The following ANK3 variants were observed in gnomAD, a reference collection of about 807,000 sequenced individuals.
ANK3 encodes the protein ankyrin 3.
ANK3 carries 57 observed loss-of-function variants against 370.9 expected under a neutral mutation model. The ratio of observed to expected loss-of-function variants is 0.15; its 90% CI spans 0.12 to 0.19. The LOEUF (loss-of-function observed/expected upper bound fraction) is 0.19, where lower values mean the gene tolerates loss of function less well. Ranked by LOEUF, ANK3 falls within the 10% of genes least tolerant of loss-of-function variation. The pLI, the probability that ANK3 is intolerant of heterozygous loss-of-function variation, is 1.00. For missense variants in ANK3, 4,439 were observed against 5,302.1 expected (o/e 0.84, Z 5.06); for synonymous variants, 1,929 against 1,946.3 (o/e 0.99, Z 0.23).
At chr10:60,259,467 A>C (rs2097775767) in intron 7 of ANK3, among the ~76,000 whole-genome samples, 3 of 152,238 alleles carry the variant, frequency 2.0e-5, no homozygotes. Context: ...TTTAAACAAA[A>C]GCACAGTGTA....
intron 2 of ANK3, among the ~76,000 whole-genome samples, chr10:60,498,086 TA>T (rs948175857): frequency 6.6e-6 from 1 of 152,200 alleles, no homozygotes; most frequent in Admixed American, 6.5e-5. Flanking sequence ...AGGTTTTTTC[TA>T]AAAGCCTTCC....
At chr10:60,497,290 A>G (rs2075683643) in intron 2 of ANK3, among the ~76,000 whole-genome samples, 1 of 152,190 alleles carries the variant, frequency 6.6e-6, no homozygotes, top group Admixed American at 6.5e-5. Context: ...CCTGTCTTTA[A>G]AAAAAGAAAA....
intron 1 of ANK3, among the ~76,000 whole-genome samples, chr10:60,321,774 C>G (rs1341218141): frequency 6.6e-6 from 1 of 152,192 alleles, no homozygotes; most frequent in African/African-American, 2.4e-5. Context: ...ACTGTGGAGC[C>G]CTGCCTCCCC....
chr10:60,654,597 G>A (rs1267990677), intron 1 of ANK3, among the ~76,000 whole-genome samples: 2 of 151,956 alleles, frequency 1.3e-5, no homozygotes, highest in Admixed American at 6.5e-5. Flanking sequence ...AAATTACATC[G>A]ATTTCTGAAT....
rs765321890 is a variant in ANK3, at chr10:60,074,586, C to T, written c.6295G>A (p.Ala2099Thr). 3.7e-6 allele frequency: 6 copies of T among 1,614,084 alleles called. No individual in the cohort carries two copies. The highest frequency in any genetic ancestry group is 1.7e-4 in the Middle Eastern group (1 of 6,060). The change falls in exon 37 of 44, where the codon GCT becomes ACT. Residue 2099 changes from alanine (A) to threonine (T), a missense_variant. Physicochemically the swap from Ala to Thr is moderately conservative, Grantham distance 58. Around this residue, in one of 13 missense-constraint regions of ANK3, gnomAD observed 679 missense variants for 791.0 expected, o/e 0.86. Coordinates refer to ENST00000280772, the MANE Select transcript of ANK3 (RefSeq NM_020987.5). ...STSEKELCKM[A>T]DSFFGTDTIL... Reference sequence around the variant, plus strand: ...GTATCTGTTCCAAAAAAGGAATCAGCCATTTTACACAATTCTTTCTCAGAG... The same window carrying T: ...GTATCTGTTCCAAAAAAGGAATCAGTCATTTTACACAATTCTTTCTCAGAG...
At chr10:60,393,737 G>A (rs917886552), upstream of ANK3, among the ~76,000 whole-genome samples, 4 of 152,072 alleles carry the variant, frequency 2.6e-5, no homozygotes, top group Admixed American at 2.6e-4. Context: ...GTCATTTCAT[G>A]TTGTGTGTCT....
chr10:60,621,542 C>G (rs1440590261), intron 1 of ANK3, among the ~76,000 whole-genome samples: 5 of 152,082 alleles, frequency 3.3e-5, no homozygotes, highest in Non-Finnish European at 7.4e-5. Flanking sequence ...CTCCTGGGGT[C>G]GTGTAATTCA....
chr10:60,148,550 C>T (rs887099079), intron 23 of ANK3, among the ~76,000 whole-genome samples: 2 of 152,280 alleles, frequency 1.3e-5, no homozygotes, highest in East Asian at 3.9e-4. Context: ...GGGACAGACT[C>T]TAAAATTCCT....
At chr10:60,361,353 A>G (rs1236545780) in intron 1 of ANK3, among the ~76,000 whole-genome samples, 5 of 152,210 alleles carry the variant, frequency 3.3e-5, no homozygotes, top group African/African-American at 1.2e-4. Flanking sequence ...TTTGTGGTTA[A>G]CAGTAATAGT....
At chr10:60,482,746 C>T (rs1205524592) in intron 2 of ANK3, among the ~76,000 whole-genome samples, 1 of 152,144 alleles carries the variant, frequency 6.6e-6, no homozygotes, top group Admixed American at 6.5e-5. Context: ...CTTGGCCTCC[C>T]AAAGTGCTGG....
At chr10:60,543,544 A>G (rs1204687305) in intron 2 of ANK3, among the ~76,000 whole-genome samples, 4 of 152,060 alleles carry the variant, frequency 2.6e-5, no homozygotes, top group Admixed American at 6.6e-5. Flanking sequence ...AGATAGGCAC[A>G]CATACACGCA....
At chr10:60,432,083 T>C (rs1274689966) in intron 2 of ANK3, among the ~76,000 whole-genome samples, 1 of 152,196 alleles carries the variant, frequency 6.6e-6, no homozygotes, top group Admixed American at 6.5e-5. Context: ...CCATCCCTGT[T>C]TATAAATAAG....
Position 60,693,031 on chromosome 10 carries a change from G to A in ANK3, c.57+40232C>T, listed in dbSNP as rs79438682. 7.7e-3 allele frequency among the ~76,000 whole-genome samples: 1,174 copies of A among 152,318 alleles called. 13 individuals are homozygous for A. Among genetic ancestry groups the A allele is most frequent in the African/African-American group, 0.027 (1,116 of 41,570 alleles). On this transcript the variant is annotated intron_variant, in intron 1 of 43. Coordinates refer to the ANK3 transcript ENST00000373827. ...AGGGAGTGCCAGACAGTGGGCGCAG[G>A]TCAGTGGGTGCAGTGCACCATGCAC... is the stretch of plus-strand genomic sequence containing the variant.
rs113882773 is a variant in ANK3, at chr10:60,528,516, G to C, written c.96+86670C>G. Among the ~76,000 whole-genome samples, 92 of 152,218 alleles carry C rather than the reference G, an allele frequency of 6.0e-4. 1 individual carries two copies. Among genetic ancestry groups the C allele is most frequent in the African/African-American group, 2.0e-3 (83 of 41,544 alleles). On this transcript the variant is annotated intron_variant, in intron 2 of 43. Transcript: ENST00000373827. ...ATCCATAATTACATTAGGTTGAACT[G>C]TATGAAACTGCCATTTTTACAAACC...
chr10:60,453,176 T>C (rs186249209), intron 2 of ANK3, among the ~76,000 whole-genome samples: 4 of 152,320 alleles, frequency 2.6e-5, no homozygotes, highest in Non-Finnish European at 5.9e-5. Context: ...GGCAAGTTGC[T>C]TAACCTCTCA....
intron 23 of ANK3, among the ~76,000 whole-genome samples, chr10:60,143,806 C>T (rs190986101): frequency 3.9e-5 from 6 of 152,248 alleles, no homozygotes; most frequent in East Asian, 3.9e-4. Context: ...TTCAAAGAAA[C>T]CTTGCAGACT....
chr10:60,645,247 C>T (rs1268549014), intron 1 of ANK3, among the ~76,000 whole-genome samples: 2 of 152,098 alleles, frequency 1.3e-5, no homozygotes, highest in Non-Finnish European at 2.9e-5. Context: ...TAAAAATGTG[C>T]AAACATTCTA....
rs1471244385 is a variant in ANK3 at position 60,524,458 on chromosome 10, T to C, written c.96+90728A>G. ...AAATCATGAGGGCTGGTCTTTCCCA[T>C]GCTCTTCTAGTGATAGTGAATGAAT... On this transcript the variant is annotated intron_variant, in intron 2 of 43. Transcript: ENST00000373827. Among the ~76,000 whole-genome samples the C allele has an allele frequency of 3.9e-5, 6 of 152,208 alleles. No individual in the cohort carries two copies. In the East Asian group the frequency reaches 9.7e-4, roughly 25 times the overall value.
intron 1 of ANK3, among the ~76,000 whole-genome samples, chr10:60,352,172 G>C (rs2056987109): frequency 6.6e-6 from 1 of 152,196 alleles, no homozygotes; most frequent in Non-Finnish European, 1.5e-5. Context: ...TGAGGTGCTT[G>C]CAAGTCCAGC....
Sources: allele counts gnomAD v4.1 joint callset (sites outside exome capture counted in the v4.1 genomes callset), GRCh38; gene constraint gnomAD v4.1.1; regional missense constraint gnomAD v4.1.1; transcripts MANE v1.5; gene names NCBI Gene and HGNC (gene_info 2026-07-23, HGNC 2026-07-21).